CNTN5: variants seen among roughly 807,000 people sequenced by gnomAD.
CNTN5 encodes contactin-5.
In CNTN5, 77 loss-of-function variants were observed where a neutral mutation model predicts 129.1. The ratio of observed to expected loss-of-function variants is 0.60; its 90% CI spans 0.50 to 0.72. The LOEUF is 0.72. Among genes scored for constraint, CNTN5 ranks in the 30% least tolerant of loss-of-function variants. The probability of loss-of-function intolerance (pLI) is 0.00; values close to 1 mark genes in which losing one functional copy is unlikely to be tolerated. For missense variants in CNTN5, 1,478 were observed against 1,328.8 expected, an observed-to-expected ratio of 1.11 and a Z score of -1.75; for synonymous variants, 509 against 465.6, an observed-to-expected ratio of 1.09 and a Z score of -1.20.
chr11:99,925,147 A>T (rs558963960), intron 7 of CNTN5, among the ~76,000 whole-genome samples: 1 of 152,296 alleles, frequency 6.6e-6, no homozygotes, highest in South Asian at 2.1e-4. Context: ...CTCCAGTTAT[A>T]GGTGGAATTG....
rs546227098 is a variant in CNTN5 at position 100,344,564 on chromosome 11, T to A, written c.3030+3359T>A. Among the ~76,000 whole-genome samples the A allele has an allele frequency of 1.8e-4, 28 of 152,128 alleles. No individual in the cohort carries two copies. The East Asian group carries it at 5.4e-3, about 29-fold the overall frequency. ...ATACTATAAGATAGAAGAAATAAGA[T>A]CTGGTGTTTGATAGATCAGAAGGGT... On this transcript the variant is annotated intron_variant, in intron 23 of 24. Transcript: ENST00000524871.
chr11:99,795,243 T>C (rs1291242073), intron 3 of CNTN5, among the ~76,000 whole-genome samples: 1 of 152,252 alleles, frequency 6.6e-6, no homozygotes, highest in African/African-American at 2.4e-5. Flanking sequence ...TATTATGATA[T>C]ATTTGAAGTG....
At chr11:99,914,613 C>T (rs1949741859) in intron 6 of CNTN5, among the ~76,000 whole-genome samples, 1 of 152,028 alleles carries the variant, frequency 6.6e-6, no homozygotes, top group Admixed American at 6.6e-5. Context: ...TAACAATCCC[C>T]CAGAAAAGTA....
intron 3 of CNTN5, among the ~76,000 whole-genome samples, chr11:99,779,310 G>A (rs1945233052): frequency 6.6e-6 from 1 of 151,870 alleles, no homozygotes; most frequent in Non-Finnish European, 1.5e-5. Context: ...CTGTAATCAG[G>A]CTGAATTCAG....
intron 15 of CNTN5, among the ~76,000 whole-genome samples, chr11:100,213,234 T>G (rs1458330341): frequency 6.6e-6 from 1 of 152,156 alleles, no homozygotes; most frequent in Non-Finnish European, 1.5e-5. Flanking sequence ...ATCAAATATA[T>G]AAGCATATAT....
At chr11:99,917,863 TTAAG>T (rs1175421947) in intron 7 of CNTN5, among the ~76,000 whole-genome samples, 1 of 152,124 alleles carries the variant, frequency 6.6e-6, no homozygotes, top group East Asian at 1.9e-4. Context: ...TAATAACTGA[TTAAG>T]TAATAATGTG....
At chr11:99,656,466 A>C (rs1952369466) in intron 3 of CNTN5, among the ~76,000 whole-genome samples, 1 of 152,166 alleles carries the variant, frequency 6.6e-6, no homozygotes, top group Non-Finnish European at 1.5e-5. Flanking sequence ...AAGAGGAAAG[A>C]AAGCTAAATG....
chr11:99,211,329 A>G (rs1204392448), intron 1 of CNTN5, among the ~76,000 whole-genome samples: 1 of 152,088 alleles, frequency 6.6e-6, no homozygotes, highest in Non-Finnish European at 1.5e-5. Context: ...TTGCTATACT[A>G]TGTGTCTAAA....
chr11:99,873,728 G>A (rs188066742), intron 6 of CNTN5, among the ~76,000 whole-genome samples: 15 of 152,152 alleles, frequency 9.9e-5, no homozygotes, highest in East Asian at 9.7e-4. Context: ...TAAAAGAAAC[G>A]AAATTATTAT....
intron 8 of CNTN5, among the ~76,000 whole-genome samples, chr11:99,995,413 A>C (rs2137435190): frequency 6.6e-6 from 1 of 152,248 alleles, no homozygotes; most frequent in East Asian, 1.9e-4. Flanking sequence ...AAACTTATCC[A>C]TATGCTTTCT....
At chr11:99,845,018 T>C (rs199701942) in intron 5 of CNTN5, 43 bp downstream of exon 5, 10 of 1,609,452 alleles carry the variant, frequency 6.2e-6, no homozygotes, top group Non-Finnish European at 7.6e-6. Context: ...CCTTAAAAAC[T>C]TTCCATCAAT....
intron 2 of CNTN5, among the ~76,000 whole-genome samples, chr11:99,518,175 G>A (rs78872667): frequency 0.023 from 3,532 of 152,050 alleles, 153 homozygotes; most frequent in African/African-American, 0.08. Flanking sequence ...AATCTGATTT[G>A]CTCAAGTTCA....
chr11:99,270,341 T>C (rs1863114952), intron 1 of CNTN5, among the ~76,000 whole-genome samples: 1 of 151,846 alleles, frequency 6.6e-6, no homozygotes. Context: ...TCAGTCCTTC[T>C]AAATAAGCAA....
intron 9 of CNTN5, among the ~76,000 whole-genome samples, chr11:100,038,262 A>G (rs915337134): frequency 4.8e-4 from 73 of 151,994 alleles, no homozygotes; most frequent in Non-Finnish European, 8.8e-4. Flanking sequence ...TTCAGTTTCC[A>G]TGTAGTTGAG....
At chr11:99,630,943 C>G (rs1398735941) in intron 3 of CNTN5, among the ~76,000 whole-genome samples, 1 of 152,124 alleles carries the variant, frequency 6.6e-6, no homozygotes, top group Non-Finnish European at 1.5e-5. Flanking sequence ...ATCCCTCATC[C>G]TCAGCATCAA....
At position 99,880,017 on chromosome 11, in the gene CNTN5, G is replaced by A. The variant is rs114828048; in HGVS notation, c.577+34755G>A. ...GTGAGAATATCTTTCAAAGTGAGGT[G>A]GGTTTCCCTACTAGCCAACCAGGTT... On this transcript the variant is annotated intron_variant, in intron 6 of 24. Transcript: ENST00000524871. 6.7e-3 allele frequency among the ~76,000 whole-genome samples: 1,023 copies of A among 152,234 alleles called. 11 individuals are homozygous for A. Among genetic ancestry groups the A allele is most frequent in the African/African-American group, 0.023 (975 of 41,542 alleles).
chr11:99,255,175 T>C (rs1006364634), intron 1 of CNTN5, among the ~76,000 whole-genome samples: 11 of 151,886 alleles, frequency 7.2e-5, no homozygotes, highest in Admixed American at 1.3e-4. Flanking sequence ...AAACATTTGT[T>C]TGGTGAAAAC....
chr11:99,415,651 C>A (rs952332807), intron 2 of CNTN5, among the ~76,000 whole-genome samples: 2 of 152,214 alleles, frequency 1.3e-5, no homozygotes, highest in East Asian at 3.9e-4. Context: ...TCTGGAGAAA[C>A]TGAGGGGAGA....
chr11:99,823,965 CT>C (rs1425137048), intron 4 of CNTN5, among the ~76,000 whole-genome samples: 4 of 151,984 alleles, frequency 2.6e-5, no homozygotes, highest in Non-Finnish European at 5.9e-5. Context: ...ACATTATATC[CT>C]AGAGATTCAT....
Sources: gnomAD v4.1 joint callset for allele counts (sites outside exome capture counted in the v4.1 genomes callset) on GRCh38, gnomAD v4.1.1 for gene constraint, MANE v1.5 for transcripts, NCBI Gene and HGNC (gene_info 2026-07-23, HGNC 2026-07-21) for gene names.